PRORP: variants seen among roughly 807,000 people sequenced by gnomAD.
PRORP encodes the protein protein only RNase P catalytic subunit, also known as mitochondrial ribonuclease P catalytic subunit.
PRORP carries 51 observed loss-of-function variants against 59.4 expected under a neutral mutation model. The observed-to-expected ratio is 0.86, with a 90% CI of 0.69 to 1.08. The LOEUF (loss-of-function observed/expected upper bound fraction) is 1.08. Ranked by LOEUF, PRORP falls within the 50% of genes least tolerant of loss-of-function variation. PRORP has a pLI of 0.00. For missense variants in PRORP, 646 were observed against 690.3 expected, an observed-to-expected ratio of 0.94 and a Z score of 0.72; for synonymous variants, 231 against 245.6, an observed-to-expected ratio of 0.94 and a Z score of 0.55.
intron 4 of PRORP, among the ~76,000 whole-genome samples, chr14:35,155,378 G>A (rs930843995): frequency 2.6e-5 from 4 of 151,824 alleles, no homozygotes; most frequent in Non-Finnish European, 5.9e-5. Context: ...ATACTATTCT[G>A]TCTACTTTTA....
rs929044656 is a variant in PRORP, at chr14:35,232,563, C to T, written c.1276-34164C>T. ...AGAAGAAAACCTCCATCTCTGCTAA[C>T]GTGGTGTTTCCACCCCTTTTTATTA... On this transcript the variant is annotated intron_variant, in intron 5 of 7. Coordinates refer to ENST00000534898, the MANE Select transcript of PRORP (RefSeq NM_014672.4). 3.9e-5 allele frequency among the ~76,000 whole-genome samples: 6 copies of T among 152,176 alleles called. No individual in the cohort carries two copies. In the East Asian group the frequency reaches 9.6e-4, roughly 24 times the overall value.
chr14:35,235,691 C>A (rs1351078709), intron 5 of PRORP: 4 of 348,396 alleles, frequency 1.1e-5, no homozygotes, highest in Non-Finnish European at 2.3e-5. Context: ...GTAGACCAAG[C>A]AAAAGTTGCC....
In PRORP at chr14:35,123,371, G is replaced by A. The variant is rs1174765950; in HGVS notation, c.126G>A (p.Gln42=). 6.2e-6 allele frequency: 10 copies of A among 1,614,124 alleles called. No homozygotes were observed. Among genetic ancestry groups the A allele is most frequent in the Non-Finnish European group, 6.8e-6 (8 of 1,180,024 alleles). ...FLADRCGIRN[Q]QRLFSLKTMS... ...CAGACCGCTGTGGCATCAGGAACCA[G>A]CAGAGGTTGTTTTCTCTTAAAACAA... is the stretch of plus-strand genomic sequence containing the variant. The change falls in exon 2 of 8, where the codon CAG becomes CAA. Residue 42 remains glutamine (Q), a synonymous_variant. Coordinates refer to ENST00000534898, the MANE Select transcript of PRORP (RefSeq NM_014672.4).
intron 5 of PRORP, among the ~76,000 whole-genome samples, chr14:35,242,109 C>T (rs981063290): frequency 1.3e-5 from 2 of 152,170 alleles, no homozygotes; most frequent in South Asian, 2.1e-4. Context: ...TAATATACAT[C>T]TTAGTGATTT....
chr14:35,251,845 C>T (rs911221501), intron 5 of PRORP, among the ~76,000 whole-genome samples: 3 of 152,074 alleles, frequency 2.0e-5, no homozygotes, highest in Non-Finnish European at 4.4e-5. Flanking sequence ...TGAGCCACCG[C>T]GCCTGGCTGT....
At chr14:35,248,261 A>G (rs1339795053) in intron 5 of PRORP, among the ~76,000 whole-genome samples, 1 of 152,142 alleles carries the variant, frequency 6.6e-6, no homozygotes, top group Non-Finnish European at 1.5e-5. Flanking sequence ...TCCCAAAGAG[A>G]TTCAAAATGC....
intron 4 of PRORP, among the ~76,000 whole-genome samples, chr14:35,154,812 A>C (rs761946155): frequency 6.6e-6 from 1 of 152,234 alleles, no homozygotes; most frequent in African/African-American, 2.4e-5. Context: ...GATTTGAACA[A>C]TCAGAGGAAT....
rs559636307 is a variant in PRORP at position 35,203,213 on chromosome 14, A to C, written c.1275+22436A>C. ...CAAAAGTTTTGATTATTTTGCATTA[A>C]TTTTGTTTGGCTGTACCTGTTTTTC... On this transcript the variant is annotated intron_variant, in intron 5 of 7. Transcript: ENST00000534898. Among the ~76,000 whole-genome samples, 168 of 152,224 alleles carry C rather than the reference A, an allele frequency of 1.1e-3. 1 individual carries two copies. Among genetic ancestry groups the C allele is most frequent in the Middle Eastern group, 6.8e-3 (2 of 292 alleles).
intron 4 of PRORP, among the ~76,000 whole-genome samples, chr14:35,157,681 G>A (rs2047949617): frequency 6.6e-6 from 1 of 152,140 alleles, no homozygotes; most frequent in South Asian, 2.1e-4. Context: ...GAGCCACGGT[G>A]CCTGGCCTGT....
At chr14:35,148,911 A>ATTTTTTTTTTTTTTTTTTTTTTTTTT (rs1186320988) in intron 4 of PRORP, among the ~76,000 whole-genome samples, 1 of 82,840 alleles carries the variant, frequency 1.2e-5, no homozygotes, top group Non-Finnish European at 2.2e-5. Context: ...GCACTTTTTA[A>ATTTTTTTTTTTTTTTTTTTTTTTTTT]TTTTTTTTTT....
intron 4 of PRORP, among the ~76,000 whole-genome samples, chr14:35,142,337 T>C (rs2047500376): frequency 7.2e-6 from 1 of 139,428 alleles, no homozygotes; most frequent in South Asian, 2.4e-4. Context: ...AATTATAAAT[T>C]CATTGCTTTT....
At chr14:35,173,160 G>T (rs1049071614) in intron 4 of PRORP, among the ~76,000 whole-genome samples, 12 of 152,170 alleles carry the variant, frequency 7.9e-5, no homozygotes, top group African/African-American at 2.9e-4. Flanking sequence ...GAGCCACTGT[G>T]CCCAGCCCAG....
intron 4 of PRORP, among the ~76,000 whole-genome samples, chr14:35,156,160 G>C (rs992250157): frequency 6.6e-6 from 1 of 152,218 alleles, no homozygotes; most frequent in Non-Finnish European, 1.5e-5. Flanking sequence ...GGTGTGGTTA[G>C]GCATTTCACA....
At chr14:35,249,618 G>T (rs760254843) in intron 5 of PRORP, among the ~76,000 whole-genome samples, 10 of 151,930 alleles carry the variant, frequency 6.6e-5, no homozygotes, top group East Asian at 1.9e-4. Context: ...TGGCTTTTTT[G>T]TTGTTGTTGT....
At chr14:35,159,121 A>G (rs2047995942) in intron 4 of PRORP, 2 of 188,326 alleles carry the variant, frequency 1.1e-5, no homozygotes, top group African/African-American at 4.8e-5. Flanking sequence ...TTTTCAAAAC[A>G]CTGATGTAAT....
At chr14:35,144,980 TTC>T (rs1488771714) in intron 4 of PRORP, among the ~76,000 whole-genome samples, 1 of 145,538 alleles carries the variant, frequency 6.9e-6, no homozygotes, top group African/African-American at 2.4e-5. Context: ...TCTTTTTTAG[TTC>T]TTTTGTTTGT....
At chr14:35,256,745 G>T (rs146262822) in intron 5 of PRORP, among the ~76,000 whole-genome samples, 1 of 152,054 alleles carries the variant, frequency 6.6e-6, no homozygotes, top group Non-Finnish European at 1.5e-5. Flanking sequence ...AAGTGAATTG[G>T]TATATAGATG....
intron 4 of PRORP, among the ~76,000 whole-genome samples, chr14:35,133,961 G>T (rs948026186): frequency 5.3e-5 from 8 of 152,304 alleles, no homozygotes; most frequent in African/African-American, 1.4e-4. Flanking sequence ...CTTGCCCAAA[G>T]CCTGCTTAAC....
intron 4 of PRORP, among the ~76,000 whole-genome samples, chr14:35,163,081 TC>T (rs2138957774): frequency 6.6e-6 from 1 of 152,244 alleles, no homozygotes; most frequent in African/African-American, 2.4e-5. Flanking sequence ...TAACTTGGGT[TC>T]TGGCACTTTC....
Sources: gnomAD v4.1 joint callset for allele counts (sites outside exome capture counted in the v4.1 genomes callset) on GRCh38, gnomAD v4.1.1 for gene constraint, MANE v1.5 for transcripts, NCBI Gene and HGNC (gene_info 2026-07-23, HGNC 2026-07-21) for gene names.